The following SLC25A27 variants were observed in gnomAD, a reference collection of about 807,000 sequenced individuals.
SLC25A27 encodes the protein solute carrier family 25 member 27, also known as mitochondrial uncoupling protein 4.
Under a neutral mutation model 49.1 loss-of-function variants are expected in SLC25A27, and 35 were observed. The observed-to-expected ratio is 0.71, with a 90% CI of 0.54 to 0.95. The LOEUF (loss-of-function observed/expected upper bound fraction) is 0.95. Among genes scored for constraint, SLC25A27 ranks in the 40% least tolerant of loss-of-function variants. SLC25A27 has a pLI of 0.00. For synonymous variants in SLC25A27, 144 were observed against 136.9 expected, an observed-to-expected ratio of 1.05 and a Z score of -0.36; for missense variants, 339 against 397.1, an observed-to-expected ratio of 0.85 and a Z score of 1.24.
intron 6 of SLC25A27, 22 bp downstream of exon 6, chr6:46,668,815 C>A: frequency 1.5e-6 from 2 of 1,377,698 alleles, no homozygotes; most frequent in Non-Finnish European, 2.0e-6. Flanking sequence ...TTTAGTTGGA[C>A]TCTGTTTTTT....
At position 46,655,970 on chromosome 6, in the gene SLC25A27, C is replaced by A; in HGVS notation, c.234C>A (p.Ile78=). 1 of 1,613,016 alleles carries A rather than the reference C, an allele frequency of 6.2e-7. No individual in the cohort carries two copies. The highest frequency in any genetic ancestry group is 8.5e-7 in the Non-Finnish European group (1 of 1,179,550). Residue 78 remains isoleucine, a synonymous_variant, in exon 2 of 9, where the codon ATC becomes ATA. Transcript: ENST00000371347. ...YRGMVRTALG[I]IEEEGFLKLW... is the part of the protein sequence containing the mutation. Reference sequence around the variant, plus strand: ...GAATGGTGCGCACAGCTCTAGGGATCATTGAAGAGGAAGGCTTTCTAAAGC... The same window carrying A: ...GAATGGTGCGCACAGCTCTAGGGATAATTGAAGAGGAAGGCTTTCTAAAGC...
At position 46,658,827 on chromosome 6, in the gene SLC25A27, C is replaced by T. The variant is rs762062245; in HGVS notation, c.299-135C>T. On this transcript the variant is annotated intron_variant, in intron 2 of 8. Transcript: ENST00000371347. ...CATCAAGAAGCCCACGTGTTAGAAG[C>T]ACCGGCCCCATGAGACAAAGACACA... The T allele has an allele frequency of 3.1e-5, 22 of 715,014 alleles. No homozygotes were observed. The South Asian group carries it at 3.2e-4, about 10-fold the overall frequency. 44.3% of individuals were successfully genotyped at this position (715,014 alleles called of 1,614,324 possible). A position where few individuals can be genotyped will look rare whatever the true frequency, so the allele number is the denominator to read the frequency against.
At chr6:46,653,720 C>A (rs948045746) in intron 1 of SLC25A27, 1 of 985,210 alleles carries the variant, frequency 1.0e-6, no homozygotes, top group African/African-American at 1.7e-5. Context: ...TGTGGACCTA[C>A]CTTGTGGGAC....
rs894362938 is a variant in SLC25A27 at position 46,677,502 on chromosome 6, C to G, written c.*1048C>G. 1 of 152,178 alleles carries G rather than the reference C, an allele frequency of 6.6e-6. No homozygotes were observed. Among genetic ancestry groups the G allele is most frequent in the Admixed American group, 6.5e-5 (1 of 15,286 alleles). The allele number at this position is 152,178 out of a possible 1,614,324, so 9.4% of individuals were successfully genotyped here. A position where few individuals can be genotyped will look rare whatever the true frequency, so the allele number is the denominator to read the frequency against. On this transcript the variant is annotated 3_prime_UTR_variant, in exon 9 of 9. Coordinates refer to ENST00000371347, the MANE Select transcript of SLC25A27 (RefSeq NM_004277.5). ...CACTAAAACTGCCAGCGGCCTGACT[C>G]TTACTCAGTTTAGCAAAAATTCTTG...
chr6:46,660,171 A>C (rs1406624723), intron 3 of SLC25A27, among the ~76,000 whole-genome samples: 1 of 151,518 alleles, frequency 6.6e-6, no homozygotes, highest in African/African-American at 2.4e-5. Flanking sequence ...AGAGTGGTGC[A>C]CTAATGAGCT....
At chr6:46,664,634 T>C in intron 4 of SLC25A27, 140 bp from the exon 5 acceptor site, 2 of 471,096 alleles carry the variant, frequency 4.2e-6, no homozygotes, top group Non-Finnish European at 7.5e-6. Flanking sequence ...CATAGATTGC[T>C]TCATTTCTAA....
chr6:46,668,918 A>G (rs1763416722), intron 6 of SLC25A27, 125 bp downstream of exon 6: 4 of 559,896 alleles, frequency 7.1e-6, no homozygotes, highest in Non-Finnish European at 1.3e-5. Context: ...AGAAGAGTAC[A>G]TTTATAAAGA....
intron 6 of SLC25A27, 71 bp downstream of exon 6, chr6:46,668,864 T>C: frequency 1.1e-6 from 1 of 883,000 alleles, no homozygotes; most frequent in Non-Finnish European, 1.9e-6. Flanking sequence ...TGACATAAAT[T>C]CTTTAGGCTC....
intron 7 of SLC25A27, chr6:46,670,697 A>G (rs1415285945): frequency 6.1e-6 from 1 of 164,466 alleles, no homozygotes; most frequent in Non-Finnish European, 1.3e-5. Context: ...CTGTATCTGT[A>G]GAACCACAAA....
rs538696093 is a variant in SLC25A27, at chr6:46,670,231, G to A, written c.797+4G>A. ...AACCACGAGATAAACAAGGAAGGTA[G>A]ATAAAAAGTCTTCAGTATCCATGTG... On this transcript the variant is annotated splice_donor_region_variant and intron_variant, in intron 7 of 8. Coordinates refer to ENST00000371347, the MANE Select transcript of SLC25A27 (RefSeq NM_004277.5). 6.3e-6 allele frequency: 10 copies of A among 1,598,322 alleles called. No individual in the cohort carries two copies. Among genetic ancestry groups the A allele is most frequent in the Middle Eastern group, 1.7e-4 (1 of 6,040 alleles).
intron 1 of SLC25A27, chr6:46,654,196 C>G (rs1415347085): frequency 1.0e-5 from 9 of 858,330 alleles, no homozygotes; most frequent in Non-Finnish European, 1.3e-5. Flanking sequence ...TAAGATTACC[C>G]TTACATTTTC....
intron 1 of SLC25A27, 144 bp downstream of exon 1, chr6:46,653,442 C>A (rs1762839596): frequency 7.0e-7 from 1 of 1,430,862 alleles, no homozygotes; most frequent in African/African-American, 1.5e-5. Flanking sequence ...GCGGTGGAGG[C>A]CAGGCCCGCG....
intron 1 of SLC25A27, among the ~76,000 whole-genome samples, chr6:46,655,019 G>A (rs910991276): frequency 5.9e-5 from 9 of 152,092 alleles, no homozygotes; most frequent in African/African-American, 1.2e-4. Flanking sequence ...TATGTAGGCC[G>A]TTTAGCTTAA....
Position 46,656,020 on chromosome 6 carries a change from T to C in SLC25A27, c.284T>C (p.Ile95Thr). Reference sequence around the variant, plus strand: ...CTTTGGCAAGGAGTGACACCCGCCATTTACAGACACGTAGGTATTTATCTT... The same window carrying C: ...CTTTGGCAAGGAGTGACACCCGCCACTTACAGACACGTAGGTATTTATCTT... The part of the protein sequence containing the change: ...LKLWQGVTPA[I>T]YRHVVYSGGR... Residue 95 changes from isoleucine (I) to threonine (T), a missense_variant, in exon 2 of 9, where the codon ATT becomes ACT. Ile to Thr is a moderately conservative substitution (Grantham distance 89). Transcript: ENST00000371347. 6.2e-7 allele frequency: 1 copy of C among 1,610,850 alleles called. No homozygotes were observed. Among genetic ancestry groups the C allele is most frequent in the South Asian group, 1.1e-5 (1 of 90,084 alleles).
intron 8 of SLC25A27, among the ~76,000 whole-genome samples, chr6:46,671,505 AT>A (rs1247657696): frequency 6.6e-6 from 1 of 152,000 alleles, no homozygotes; most frequent in African/African-American, 2.4e-5. Flanking sequence ...GTAATGTAAA[AT>A]TTTTAGTATT....
At chr6:46,669,185 C>A (rs888220956) in intron 6 of SLC25A27, among the ~76,000 whole-genome samples, 2 of 152,036 alleles carry the variant, frequency 1.3e-5, no homozygotes, top group African/African-American at 4.8e-5. Context: ...ACCAGGAAAA[C>A]AAGACAAATA....
chr6:46,664,637 A>T, intron 4 of SLC25A27, 137 bp from the exon 5 acceptor site: 1 of 472,178 alleles, frequency 2.1e-6, no homozygotes, highest in Non-Finnish European at 3.7e-6. Context: ...AGATTGCTTC[A>T]TTTCTAATAA....
chr6:46,666,457 G>A lies in SLC25A27; in HGVS notation c.619+1571G>A, dbSNP rs574514302. Among the ~76,000 whole-genome samples the A allele has an allele frequency of 2.6e-5, 4 of 152,292 alleles. No individual in the cohort carries two copies. In the East Asian group the frequency reaches 7.7e-4, roughly 29 times the overall value. On this transcript the variant is annotated intron_variant, in intron 5 of 8. Transcript: ENST00000371347. ...GTTCTAAGAAATATATAAATAGCAT[G>A]TTTGAGGGTTCTAGAAATATAGCAC...
intron 5 of SLC25A27, among the ~76,000 whole-genome samples, chr6:46,665,435 C>T (rs1215400971): frequency 2.0e-5 from 3 of 152,008 alleles, no homozygotes; most frequent in African/African-American, 7.2e-5. Context: ...CCTGTAATCC[C>T]AGGACTTTGG....
Sources: gnomAD v4.1 joint callset for allele counts (sites outside exome capture counted in the v4.1 genomes callset) on GRCh38, gnomAD v4.1.1 for gene constraint, MANE v1.5 for transcripts, NCBI Gene and HGNC (gene_info 2026-07-23, HGNC 2026-07-21) for gene names.